Variants in CACNA1D observed in about 807,000 individuals in gnomAD.
The protein encoded by CACNA1D is calcium voltage-gated channel subunit alpha1 D.
In CACNA1D, 55 loss-of-function variants were observed where a neutral mutation model predicts 257.1. The ratio of observed to expected loss-of-function variants is 0.21; its 90% CI spans 0.17 to 0.27. The LOEUF (loss-of-function observed/expected upper bound fraction) is 0.27, where lower values mean the gene tolerates loss of function less well. Among genes scored for constraint, CACNA1D ranks in the 10% least tolerant of loss-of-function variants. The pLI is 1.00. For missense variants in CACNA1D, 1,876 were observed against 2,784.0 expected, an observed-to-expected ratio of 0.67 and a Z score of 7.34; for synonymous variants, 980 against 1,014.9, an observed-to-expected ratio of 0.97 and a Z score of 0.65.
chr3:53,586,299 T>C (rs995684540), intron 3 of CACNA1D, among the ~76,000 whole-genome samples: 2 of 151,598 alleles, frequency 1.3e-5, no homozygotes, highest in Non-Finnish European at 1.5e-5. Flanking sequence ...TGTGTGTGTG[T>C]GTGTGTGTGT....
chr3:53,501,662 C>A lies in CACNA1D; in HGVS notation c.425C>A (p.Ala142Asp). 6.2e-7 allele frequency: 1 copy of A among 1,605,626 alleles called. No homozygotes were observed. Among genetic ancestry groups the A allele is most frequent in the Non-Finnish European group, 8.5e-7 (1 of 1,172,714 alleles). The part of the protein sequence containing the change: ...ILLAIFANCV[A>D]LAIYIPFPED... ...TTGGCTATTTTTGCCAATTGTGTGG[C>A]CTTAGCTATTTACATCCCATTCCCT... The change falls in exon 3 of 48, where the codon GCC becomes GAC. Residue 142 changes from alanine to aspartate, a missense_variant. Ala to Asp is a moderately radical substitution (Grantham distance 126). Coordinates refer to ENST00000350061, the MANE Select transcript of CACNA1D (RefSeq NM_001128840.3).
intron 3 of CACNA1D, among the ~76,000 whole-genome samples, chr3:53,628,582 G>A (rs747811644): frequency 1.1e-4 from 17 of 152,178 alleles, no homozygotes; most frequent in Non-Finnish European, 1.8e-4. Context: ...AAGCTGCTAT[G>A]GGAATAATGA....
chr3:53,555,090 A>G (rs150815341), intron 3 of CACNA1D, among the ~76,000 whole-genome samples: 1,922 of 152,340 alleles, frequency 0.013, 20 homozygotes, highest in Non-Finnish European at 0.019. Context: ...GAGCAAAACT[A>G]TGTTTCCCAT....
intron 3 of CACNA1D, among the ~76,000 whole-genome samples, chr3:53,540,285 ATTTTTTT>A (rs111314846): frequency 1.4e-5 from 2 of 140,936 alleles, no homozygotes; most frequent in African/African-American, 2.6e-5. Flanking sequence ...TGCCCGGCTA[ATTTTTTT>A]TTTTTTTTCT....
intron 8 of CACNA1D, among the ~76,000 whole-genome samples, chr3:53,691,830 A>AAT (rs1491422889): frequency 3.8e-4 from 38 of 99,556 alleles, no homozygotes; most frequent in Non-Finnish European, 6.5e-4. Context: ...TTATATCTAT[A>AAT]ATATATATTA....
At chr3:53,616,541 GCTTT>G (rs1180914238) in intron 3 of CACNA1D, among the ~76,000 whole-genome samples, 1 of 152,138 alleles carries the variant, frequency 6.6e-6, no homozygotes, top group Non-Finnish European at 1.5e-5. Context: ...CAACTCTTCT[GCTTT>G]CTTCCGTCTT....
In CACNA1D at chr3:53,803,581, C is replaced by T. The variant is rs921265803; in HGVS notation, c.5585+9C>T. 8 of 1,613,246 alleles carry T rather than the reference C, an allele frequency of 5.0e-6. No homozygotes were observed. Among genetic ancestry groups the T allele is most frequent in the Admixed American group, 1.7e-5 (1 of 60,012 alleles). The stretch of plus-strand genomic sequence containing the variant: ...TCGCCCACCTGGAGCAGGTGAGCTG[C>T]TCTGGCTCCTGTGGAGAGCGGGAGG... On this transcript the variant is annotated intron_variant, in intron 44 of 47. Transcript: ENST00000350061.
intron 7 of CACNA1D, 118 bp downstream of exon 7, chr3:53,666,653 AG>A (rs1576289096): frequency 1.2e-6 from 1 of 846,698 alleles, no homozygotes; most frequent in East Asian, 2.4e-5. Context: ...TTATTTGGGA[AG>A]GGAAGCAGAT....
chr3:53,648,560 C>T (rs767303237), intron 3 of CACNA1D, among the ~76,000 whole-genome samples: 9 of 152,072 alleles, frequency 5.9e-5, no homozygotes, highest in Non-Finnish European at 8.8e-5. Flanking sequence ...GCATGCCTCC[C>T]GAGCAAGCAC....
Position 53,813,305 on chromosome 3 carries a change from T to TAA in CACNA1D, c.*1902_*1903dup, listed in dbSNP as rs1222202529. The TAA allele has an allele frequency of 1.3e-5, 2 of 152,320 alleles. No individual in the cohort carries two copies. Among genetic ancestry groups the TAA allele is most frequent in the Admixed American group, 1.3e-4 (2 of 15,310 alleles). 9.4% of individuals were successfully genotyped at this position (152,320 alleles called of 1,614,324 possible). On this transcript the variant is annotated 3_prime_UTR_variant, in exon 48 of 48. Coordinates refer to ENST00000350061, the MANE Select transcript of CACNA1D (RefSeq NM_001128840.3). ...TTAAAATGCAAAATGTTCTTCAGAA[T>TAA]AAAACTGTGTAATAATTTTTATACT...
At chr3:53,775,581 CT>C (rs2095392318) in intron 34 of CACNA1D, among the ~76,000 whole-genome samples, 1 of 152,098 alleles carries the variant, frequency 6.6e-6, no homozygotes, top group South Asian at 2.1e-4. Flanking sequence ...TAATTAATTA[CT>C]GTTAATTATA....
In CACNA1D at chr3:53,589,446, G is replaced by A. The variant is rs145909060; in HGVS notation, c.484-61333G>A. Among the ~76,000 whole-genome samples the A allele has an allele frequency of 3.7e-3, 561 of 152,256 alleles. 1 individual carries two copies. The highest frequency in any genetic ancestry group is 5.9e-3 in the Non-Finnish European group (401 of 68,016). On this transcript the variant is annotated intron_variant, in intron 3 of 47. Transcript: ENST00000350061. Reference sequence around the variant, plus strand: ...GCCAAGAGGAAGCCTGGGCATGGGGGTGCTGTGAGGCAGGACTGAGTGTAT... The same window carrying A: ...GCCAAGAGGAAGCCTGGGCATGGGGATGCTGTGAGGCAGGACTGAGTGTAT...
intron 32 of CACNA1D, 121 bp downstream of exon 32, chr3:53,770,673 T>C (rs1350619692): frequency 5.7e-6 from 5 of 884,032 alleles, no homozygotes; most frequent in South Asian, 2.8e-5. Context: ...CCTAAATCAA[T>C]AGAAAACATG....
At chr3:53,650,633 A>G (rs2094080389) in intron 3 of CACNA1D, 146 bp from the exon 4 acceptor site, 1 of 829,264 alleles carries the variant, frequency 1.2e-6, no homozygotes, top group Non-Finnish European at 2.0e-6. Context: ...GGGCAGTGTA[A>G]TTGTTCCATT....
At chr3:53,695,707 G>A (rs971585034) in intron 8 of CACNA1D, among the ~76,000 whole-genome samples, 1 of 152,200 alleles carries the variant, frequency 6.6e-6, no homozygotes, top group Non-Finnish European at 1.5e-5. Context: ...CATGAGAAGT[G>A]TGTTTTTGAC....
chr3:53,787,100 T>C, intron 40 of CACNA1D, 148 bp downstream of exon 40: 1 of 811,790 alleles, frequency 1.2e-6, no homozygotes, highest in Non-Finnish European at 2.0e-6. Context: ...AAATGTGGAC[T>C]AGCCATTTCT....
chr3:53,660,966 C>CAGTGCCAG (rs2094198283), intron 5 of CACNA1D, among the ~76,000 whole-genome samples: 1 of 152,188 alleles, frequency 6.6e-6, no homozygotes. Flanking sequence ...AGTGCCAGGC[C>CAGTGCCAG]CCAGTGTGCT....
At chr3:53,780,704 A>G (rs540579876) in intron 38 of CACNA1D, among the ~76,000 whole-genome samples, 1 of 152,328 alleles carries the variant, frequency 6.6e-6, no homozygotes, top group South Asian at 2.1e-4. Flanking sequence ...AAATCCTGGT[A>G]AAACAGGCAC....
At chr3:53,572,175 A>G (rs2092956102) in intron 3 of CACNA1D, among the ~76,000 whole-genome samples, 1 of 152,100 alleles carries the variant, frequency 6.6e-6, no homozygotes, top group African/African-American at 2.4e-5. Context: ...CAAGCTTGCC[A>G]TGTGCAAAAT....
Sources: allele counts gnomAD v4.1 joint callset (sites outside exome capture counted in the v4.1 genomes callset), GRCh38; gene constraint gnomAD v4.1.1; transcripts MANE v1.5; gene names NCBI Gene and HGNC (gene_info 2026-07-23, HGNC 2026-07-21).